PGCKA1: variants seen among roughly 807,000 people sequenced by gnomAD.
PGCKA1 encodes the protein PDCD10 and GCKIII kinases associated 1.
At chr4:37,517,117 G>A in the PGCKA1 span, among the ~76,000 whole-genome samples, 1 of 151,902 alleles carries the variant, frequency 6.6e-6, no homozygotes, top group Non-Finnish European at 1.5e-5. Flanking sequence ...CAGGCATGGT[G>A]GCAGGCACCT....
the PGCKA1 span, among the ~76,000 whole-genome samples, chr4:37,509,430 T>G: frequency 7.6e-6 from 1 of 131,210 alleles, no homozygotes; most frequent in Admixed American, 7.3e-5. Context: ...GCTCCCCACA[T>G]CTCAGACAAT....
chr4:37,557,459 C>A, the PGCKA1 span, among the ~76,000 whole-genome samples: 272 of 152,282 alleles, frequency 1.8e-3, no homozygotes, highest in African/African-American at 6.1e-3. Flanking sequence ...CTGGAAAGTT[C>A]AAGATCAAGG....
chr4:37,548,403 A>G, the PGCKA1 span, among the ~76,000 whole-genome samples: 1 of 152,182 alleles, frequency 6.6e-6, no homozygotes, highest in African/African-American at 2.4e-5. Flanking sequence ...TTAATTGTAA[A>G]GAAAATTCTG....
the PGCKA1 span, among the ~76,000 whole-genome samples, chr4:37,572,568 C>T: frequency 6.6e-6 from 1 of 152,068 alleles, no homozygotes; most frequent in African/African-American, 2.4e-5. Context: ...AACCATGGTC[C>T]TTTAGCTCTC....
the PGCKA1 span, among the ~76,000 whole-genome samples, chr4:37,478,591 G>A: frequency 1.2e-4 from 19 of 152,238 alleles, 1 homozygote; most frequent in East Asian, 2.7e-3. Flanking sequence ...GACTCTTTAC[G>A]CTTCTGTTTG....
chr4:37,535,558 A>C, the PGCKA1 span, among the ~76,000 whole-genome samples: 1 of 152,130 alleles, frequency 6.6e-6, no homozygotes, highest in African/African-American at 2.4e-5. Context: ...ACTTCGCTCC[A>C]CCTCTACCTG....
chr4:37,529,751 C>T, the PGCKA1 span, among the ~76,000 whole-genome samples: 3 of 152,062 alleles, frequency 2.0e-5, no homozygotes, highest in African/African-American at 4.8e-5. Flanking sequence ...CGTCTGTAGC[C>T]GCCCCCTTCC....
chr4:37,527,323 G>C, the PGCKA1 span, among the ~76,000 whole-genome samples: 3 of 152,122 alleles, frequency 2.0e-5, no homozygotes, highest in East Asian at 3.9e-4. Flanking sequence ...TGTAGTCTAA[G>C]TGTGCAGTGT....
chr4:37,505,409 G>A, the PGCKA1 span, among the ~76,000 whole-genome samples: 7 of 152,062 alleles, frequency 4.6e-5, no homozygotes, highest in Non-Finnish European at 8.8e-5. Context: ...TCTTTGTCTG[G>A]TTTTGGTATC....
chr4:37,552,817 C>G, the PGCKA1 span, among the ~76,000 whole-genome samples: 1 of 152,214 alleles, frequency 6.6e-6, no homozygotes, highest in South Asian at 2.1e-4. Flanking sequence ...TCATTCACCA[C>G]TTCAGAACCT....
chr4:37,530,665 C>G, the PGCKA1 span, among the ~76,000 whole-genome samples: 1 of 151,028 alleles, frequency 6.6e-6, no homozygotes, highest in Non-Finnish European at 1.5e-5. Flanking sequence ...ACCCACTCAT[C>G]TGTCAGTCAC....
At chr4:37,479,982 G>A in the PGCKA1 span, among the ~76,000 whole-genome samples, 363 of 152,306 alleles carry the variant, frequency 2.4e-3, 2 homozygotes, top group African/African-American at 8.3e-3. Flanking sequence ...ATTAATTCAT[G>A]AAGTATTTAT....
At chr4:37,489,641 A>G in the PGCKA1 span, among the ~76,000 whole-genome samples, 3 of 152,186 alleles carry the variant, frequency 2.0e-5, no homozygotes, top group Non-Finnish European at 4.4e-5. Context: ...AACTTATGTA[A>G]GGAGCACACC....
chr4:37,513,441 T>C, the PGCKA1 span, among the ~76,000 whole-genome samples: 1 of 152,258 alleles, frequency 6.6e-6, no homozygotes, highest in Non-Finnish European at 1.5e-5. Context: ...TCCTGGCTTG[T>C]AGATGGCATA....
the PGCKA1 span, among the ~76,000 whole-genome samples, chr4:37,571,964 T>C: frequency 6.6e-6 from 1 of 151,566 alleles, no homozygotes; most frequent in East Asian, 1.9e-4. Flanking sequence ...ATGGATTTCC[T>C]GGAGGTGTCA....
chr4:37,500,068 G>A, the PGCKA1 span, among the ~76,000 whole-genome samples: 14 of 151,622 alleles, frequency 9.2e-5, no homozygotes, highest in Non-Finnish European at 1.8e-4. Flanking sequence ...GACTATAGGC[G>A]CCCGCCACCA....
At chr4:37,485,730 A>G in the PGCKA1 span, among the ~76,000 whole-genome samples, 4 of 152,106 alleles carry the variant, frequency 2.6e-5, no homozygotes, top group African/African-American at 9.7e-5. Context: ...AAATGTGTCC[A>G]CTGTCTTATT....
At chr4:37,530,370 G>A in the PGCKA1 span, among the ~76,000 whole-genome samples, 4 of 151,992 alleles carry the variant, frequency 2.6e-5, no homozygotes, top group East Asian at 1.9e-4. Context: ...TCAGGAGTTC[G>A]TGACCAGCCT....
At chr4:37,468,748 CCA>C in the PGCKA1 span, among the ~76,000 whole-genome samples, 1 of 151,374 alleles carries the variant, frequency 6.6e-6, no homozygotes, top group African/African-American at 2.4e-5. Flanking sequence ...GTATACCCCC[CCA>C]CACACATATG....
Sources: allele counts gnomAD v4.1 joint callset (sites outside exome capture counted in the v4.1 genomes callset), GRCh38; gene constraint gnomAD v4.1.1; transcripts MANE v1.5; gene names NCBI Gene and HGNC (gene_info 2026-07-23, HGNC 2026-07-21).